The following CYP2C19 variants were observed in gnomAD, a reference collection of about 807,000 sequenced individuals.
The protein encoded by CYP2C19 is cytochrome P450 2C19.
Under a neutral mutation model 40.9 loss-of-function variants are expected in CYP2C19, and 59 were observed. The ratio of observed to expected loss-of-function variants is 1.44; its 90% CI spans 1.17 to 1.79. The LOEUF (loss-of-function observed/expected upper bound fraction) is 1.79, where lower values mean the gene tolerates loss of function less well. Ranked by LOEUF, CYP2C19 falls within the 40% of genes most tolerant of loss-of-function variation. The pLI is 0.00. For synonymous variants in CYP2C19, 253 were observed against 208.7 expected (o/e 1.21, Z -1.83); for missense variants, 754 against 596.9 (o/e 1.26, Z -2.74).
chr10:94,846,277 C>A (rs1350645589), intron 7 of CYP2C19, among the ~76,000 whole-genome samples: 2 of 151,954 alleles, frequency 1.3e-5, no homozygotes, highest in Non-Finnish European at 2.9e-5. Context: ...TTTCTTCGGG[C>A]TTGTTTTGTA....
rs572811899 is a variant in CYP2C19, at chr10:94,826,926, G to T, written c.961+6289G>T. Reference sequence around the variant, plus strand: ...CATGTAGTATTGAGATAATCATGTGGTTTTTGTCTTTGGTTCTGTTTATAT... The same window carrying T: ...CATGTAGTATTGAGATAATCATGTGTTTTTTGTCTTTGGTTCTGTTTATAT... On this transcript the variant is annotated intron_variant, in intron 6 of 8. Coordinates refer to ENST00000371321, the MANE Select transcript of CYP2C19 (RefSeq NM_000769.4). Among the ~76,000 whole-genome samples the T allele has an allele frequency of 7.2e-5, 11 of 152,194 alleles. 1 individual carries two copies. In the South Asian group the frequency reaches 1.9e-3, roughly 26 times the overall value.
intron 5 of CYP2C19, among the ~76,000 whole-genome samples, chr10:94,782,205 T>C (rs114730720): frequency 3.5e-4 from 53 of 152,234 alleles, no homozygotes; most frequent in African/African-American, 1.3e-3. Context: ...TAGAAGAAAT[T>C]GTTTAGATAA....
At chr10:94,835,018 C>A (rs969126500) in intron 6 of CYP2C19, among the ~76,000 whole-genome samples, 1 of 152,112 alleles carries the variant, frequency 6.6e-6, no homozygotes, top group Non-Finnish European at 1.5e-5. Context: ...GGGAGAGGTG[C>A]CTTCAATGTC....
At chr10:94,811,669 A>G (rs1848926764) in intron 5 of CYP2C19, among the ~76,000 whole-genome samples, 1 of 151,974 alleles carries the variant, frequency 6.6e-6, no homozygotes, top group Non-Finnish European at 1.5e-5. Context: ...GTTGGTTTAA[A>G]GTGTGTTTTA....
At chr10:94,814,805 T>C (rs1056793533) in intron 5 of CYP2C19, among the ~76,000 whole-genome samples, 1 of 141,540 alleles carries the variant, frequency 7.1e-6, no homozygotes, top group African/African-American at 2.7e-5. Flanking sequence ...CTTGAAGTTG[T>C]CATAGAAGCA....
Position 94,763,148 on chromosome 10 carries a change from A to T in CYP2C19, c.168+275A>T, listed in dbSNP as rs17878981. Among the ~76,000 whole-genome samples, 857 of 152,322 alleles carry T rather than the reference A, an allele frequency of 5.6e-3. 13 individuals are homozygous for T. The highest frequency in any genetic ancestry group is 0.019 in the African/African-American group (786 of 41,582). On this transcript the variant is annotated intron_variant, in intron 1 of 8. Transcript: ENST00000371321. ...ATGTTGTGTTCCTTCTTTATTTCAT[A>T]GCCATTTGCTAGAATTTTTGGCTGA...
rs201538336 is a variant in CYP2C19 at position 94,852,950 on chromosome 10, C to T, written c.*36C>T. The T allele has an allele frequency of 5.0e-6, 8 of 1,605,134 alleles. No homozygotes were observed. Among genetic ancestry groups the T allele is most frequent in the Admixed American group, 3.4e-5 (2 of 59,398 alleles). ...ATGGTCTGGCTGCTCCTGTGCTGTC[C>T]CTGCAGCTCTCTTTCCTCTGGTCCA... On this transcript the variant is annotated 3_prime_UTR_variant, in exon 9 of 9. Transcript: ENST00000371321.
chr10:94,786,869 C>A (rs947577120), intron 5 of CYP2C19, among the ~76,000 whole-genome samples: 2 of 152,120 alleles, frequency 1.3e-5, no homozygotes, highest in African/African-American at 4.8e-5. Flanking sequence ...CATAGCATTT[C>A]ATAGTGTATA....
chr10:94,807,195 C>G (rs1848847708), intron 5 of CYP2C19, among the ~76,000 whole-genome samples: 1 of 152,062 alleles, frequency 6.6e-6, no homozygotes, highest in Non-Finnish European at 1.5e-5. Flanking sequence ...TAATCTCAAC[C>G]ATGTTGTTGT....
At chr10:94,817,212 C>T (rs1849019914) in intron 5 of CYP2C19, among the ~76,000 whole-genome samples, 2 of 146,384 alleles carry the variant, frequency 1.4e-5, no homozygotes, top group Admixed American at 6.8e-5. Context: ...AAAAGTGTTC[C>T]CATTTCTCCA....
At chr10:94,803,401 GAGCAAAAGCCAGCTGCAGCT>G (rs1432790152) in intron 5 of CYP2C19, among the ~76,000 whole-genome samples, 5 of 152,282 alleles carry the variant, frequency 3.3e-5, no homozygotes, top group Admixed American at 3.3e-4. Context: ...TGGGACTTGT[GAGCAAAAGCCAGCTGCAGCT>G]AGCACAAGTT....
chr10:94,809,346 G>A (rs541397594), intron 5 of CYP2C19, among the ~76,000 whole-genome samples: 19 of 152,138 alleles, frequency 1.2e-4, no homozygotes, highest in Non-Finnish European at 2.6e-4. Context: ...TCCCCTGTTA[G>A]AGGGGTAGTT....
intron 5 of CYP2C19, among the ~76,000 whole-genome samples, chr10:94,800,933 C>T (rs1228352261): frequency 6.6e-6 from 1 of 152,164 alleles, no homozygotes; most frequent in East Asian, 1.9e-4. Flanking sequence ...TCACGGCTTC[C>T]CTTCACTAAG....
At chr10:94,799,213 C>G (rs756421718) in intron 5 of CYP2C19, among the ~76,000 whole-genome samples, 1 of 152,060 alleles carries the variant, frequency 6.6e-6, no homozygotes, top group Non-Finnish European at 1.5e-5. Flanking sequence ...CACAAAATCT[C>G]TCAGCATTTG....
Position 94,762,709 on chromosome 10 carries a change from G to C in CYP2C19, c.4G>C (p.Asp2His), listed in dbSNP as rs377381376. ...TTAACAAGAGGAGAAGGCTTCAATGGATCCTTTTGTGGTCCTTGTGCTCTG... is the reference window on the plus strand; with the variant it reads ...TTAACAAGAGGAGAAGGCTTCAATGCATCCTTTTGTGGTCCTTGTGCTCTG... M[D>H]PFVVLVLCLS... The change falls in exon 1 of 9, where the codon GAT becomes CAT. Residue 2 changes from aspartate (D) to histidine (H), a missense_variant. Physicochemically the swap from Asp to His is moderately conservative, Grantham distance 81 (BLOSUM62 -1). Transcript: ENST00000371321. 1 of 1,613,208 alleles carries C rather than the reference G, an allele frequency of 6.2e-7. No individual in the cohort carries two copies.
chr10:94,838,189 G>T (rs528275150), intron 6 of CYP2C19, among the ~76,000 whole-genome samples: 2 of 152,240 alleles, frequency 1.3e-5, no homozygotes, highest in South Asian at 2.1e-4. Context: ...GCAAATGTCT[G>T]TGGCACCAAT....
At chr10:94,850,548 T>C (rs1849637227) in intron 8 of CYP2C19, among the ~76,000 whole-genome samples, 3 of 152,190 alleles carry the variant, frequency 2.0e-5, no homozygotes, top group African/African-American at 7.2e-5. Flanking sequence ...TGTAGTTCAA[T>C]AGGACTGAGG....
intron 6 of CYP2C19, among the ~76,000 whole-genome samples, chr10:94,839,786 G>A (rs965521244): frequency 6.6e-6 from 1 of 152,178 alleles, no homozygotes; most frequent in Non-Finnish European, 1.5e-5. Flanking sequence ...TCACCTGGGA[G>A]GAACCATCTA....
intron 6 of CYP2C19, among the ~76,000 whole-genome samples, chr10:94,823,398 T>A (rs1208527556): frequency 6.6e-6 from 1 of 152,158 alleles, no homozygotes; most frequent in Non-Finnish European, 1.5e-5. Context: ...GCAGATTTGG[T>A]AAGGGTCCAC....
Sources: allele counts gnomAD v4.1 joint callset (sites outside exome capture counted in the v4.1 genomes callset), GRCh38; gene constraint gnomAD v4.1.1; transcripts MANE v1.5; gene names NCBI Gene and HGNC (gene_info 2026-07-23, HGNC 2026-07-21).